The following OPN4 variants were observed in gnomAD, a reference collection of about 807,000 sequenced individuals.
The protein encoded by OPN4 is opsin 4.
In OPN4, 43 loss-of-function variants were observed where a neutral mutation model predicts 49.5. The ratio of observed to expected loss-of-function variants is 0.87; its 90% CI spans 0.68 to 1.12. OPN4 has a LOEUF of 1.12. Among genes scored for constraint, OPN4 ranks in the 50% most tolerant of loss-of-function variants. OPN4 has a pLI of 0.00. For missense variants in OPN4, 657 were observed against 643.9 expected (o/e 1.02, Z -0.22); for synonymous variants, 263 against 258.0 (o/e 1.02, Z -0.19).
At chr10:86,656,039 A>C in intron 1 of OPN4, 116 bp from the exon 2 acceptor site, 1 of 1,369,330 alleles carries the variant, frequency 7.3e-7, no homozygotes, top group Non-Finnish European at 1.0e-6. Context: ...TGGCTTTGCC[A>C]CTCTGAGCCT....
Position 86,658,526 on chromosome 10 carries a change from C to G in OPN4, c.467C>G (p.Ser156Cys), listed in dbSNP as rs1268158599. The G allele has an allele frequency of 6.2e-7, 1 of 1,614,216 alleles. No homozygotes were observed. The highest frequency in any genetic ancestry group is 1.3e-5 in the African/African-American group (1 of 75,060). The change falls in exon 4 of 10, where the codon TCC becomes TGC. Residue 156 changes from serine (S) to cysteine (C), a missense_variant. Coordinates refer to ENST00000241891, the MANE Select transcript of OPN4 (RefSeq NM_033282.4). ...YAFCGALFGI[S>C]SMITLTAIAL... ...TTCTGTGGAGCTCTCTTTGGCATTT[C>G]CTCCATGATCACCCTGACGGCCATC...
intron 8 of OPN4, 97 bp downstream of exon 8, chr10:86,662,529 T>G: frequency 4.1e-6 from 5 of 1,232,230 alleles, no homozygotes; most frequent in Non-Finnish European, 5.6e-6. Context: ...CAGGGCTGCC[T>G]CTGAGACTCA....
intron 7 of OPN4, 50 bp from the exon 8 acceptor site, chr10:86,662,202 G>A: frequency 6.5e-7 from 1 of 1,533,658 alleles, no homozygotes; most frequent in Non-Finnish European, 8.9e-7. Flanking sequence ...CCCCTCCCCT[G>A]CATCTGTCTG....
intron 2 of OPN4, among the ~76,000 whole-genome samples, chr10:86,657,750 C>T (rs548812686): frequency 3.2e-4 from 49 of 152,156 alleles, no homozygotes; most frequent in African/African-American, 1.2e-3. Context: ...GGCCACGCCT[C>T]AGGTTTTGGA....
At chr10:86,657,330 G>A in intron 2 of OPN4, 2 of 740,660 alleles carry the variant, frequency 2.7e-6, no homozygotes, top group Admixed American at 1.8e-5. Context: ...CTGGAAAATG[G>A]GGACAATGAC....
At position 86,658,528 on chromosome 10, in the gene OPN4, T is replaced by C. The variant is rs1309764526; in HGVS notation, c.469T>C (p.Ser157Pro). 3 of 1,614,054 alleles carry C rather than the reference T, an allele frequency of 1.9e-6. No homozygotes were observed. Among genetic ancestry groups the C allele is most frequent in the Non-Finnish European group, 2.5e-6 (3 of 1,180,044 alleles). Residue 157 changes from serine (S) to proline (P), a missense_variant, in exon 4 of 10, where the codon TCC (serine) becomes CCC (proline). Physicochemically the swap from Ser to Pro is moderately conservative, Grantham distance 74 (BLOSUM62 -1). Transcript: ENST00000241891. ...CTGTGGAGCTCTCTTTGGCATTTCC[T>C]CCATGATCACCCTGACGGCCATCGC... Reference protein sequence around the residue: ...AFCGALFGISSMITLTAIALD... With the variant: ...AFCGALFGISPMITLTAIALD...
chr10:86,656,505 T>C (rs1432853711), intron 2 of OPN4, among the ~76,000 whole-genome samples: 3 of 152,176 alleles, frequency 2.0e-5, no homozygotes, highest in Non-Finnish European at 4.4e-5. Flanking sequence ...CCAGGGAGAC[T>C]TGACTGACTG....
intron 1 of OPN4, among the ~76,000 whole-genome samples, chr10:86,655,713 G>T (rs1843846115): frequency 6.6e-6 from 1 of 152,232 alleles, no homozygotes; most frequent in South Asian, 2.1e-4. Context: ...GGACTCTTGA[G>T]AGGGGCTCCA....
chr10:86,663,085 TC>T (rs1844054090), intron 8 of OPN4, among the ~76,000 whole-genome samples: 1 of 152,204 alleles, frequency 6.6e-6, no homozygotes, highest in South Asian at 2.1e-4. Context: ...GTGTCAGCCC[TC>T]CTCAGGGCCT....
rs1250239334 is a variant in OPN4, at chr10:86,666,352, ACT to A, written c.*604_*605del. 1 of 196,384 alleles carries A rather than the reference ACT, an allele frequency of 5.1e-6. No homozygotes were observed. The highest frequency in any genetic ancestry group is 1.1e-5 in the Non-Finnish European group (1 of 94,648). 12.2% of individuals were successfully genotyped at this position (196,384 alleles called of 1,614,324 possible). ...ATGCACACCAAGCACATGCGTGCAC[ACT>A]CTGCGTCTGTGATTCATTTCATGTA... On this transcript the variant is annotated 3_prime_UTR_variant, in exon 10 of 10. Coordinates refer to ENST00000241891, the MANE Select transcript of OPN4 (RefSeq NM_033282.4).
chr10:86,658,150 C>A lies in OPN4; in HGVS notation c.409C>A (p.Leu137Ile), dbSNP rs1449593160. 6.2e-7 allele frequency: 1 copy of A among 1,613,938 alleles called. No individual in the cohort carries two copies. The highest frequency in any genetic ancestry group is 8.5e-7 in the Non-Finnish European group (1 of 1,179,982). The change falls in exon 3 of 10, where the codon CTC becomes ATC. Residue 137 changes from leucine (L) to isoleucine (I), a missense_variant. Physicochemically the swap from Leu to Ile is conservative, Grantham distance 5. Coordinates refer to ENST00000241891, the MANE Select transcript of OPN4 (RefSeq NM_033282.4). Reference protein sequence around the residue: ...FFTSSLYKQWLFGETGCEFYA... With the variant: ...FFTSSLYKQWIFGETGCEFYA... ...CACCAGTAGCCTCTATAAGCAGTGG[C>A]TCTTTGGGGAGACAGGTAGATGCTG...
At chr10:86,656,576 T>A (rs1231570063) in intron 2 of OPN4, among the ~76,000 whole-genome samples, 2 of 151,942 alleles carry the variant, frequency 1.3e-5, no homozygotes, top group African/African-American at 2.4e-5. Flanking sequence ...AGTATGTGGG[T>A]CTCTGACCAT....
Position 86,656,303 on chromosome 10 carries a change from G to T in OPN4, c.290+3G>T, listed in dbSNP as rs1479189575. 1.3e-6 allele frequency: 2 copies of T among 1,592,116 alleles called. No individual in the cohort carries two copies. The highest frequency in any genetic ancestry group is 4.5e-5 in the East Asian group (2 of 44,540). ...ACGGTCATCTATACCTTCTGCAGGT[G>T]CCTGGTTGGTGGTGCTGGGCCCAGG... On this transcript the variant is annotated splice_donor_region_variant and intron_variant, in intron 2 of 9. Transcript: ENST00000241891.
Position 86,663,588 on chromosome 10 carries a change from G to A in OPN4, c.1255-71G>A, listed in dbSNP as rs376765016. ...TGTTGGGAGGATGAAGGAGGGCCTG[G>A]TGGGGTAAGGGCAGGAGCAAAGCTA... On this transcript the variant is annotated intron_variant, in intron 8 of 9. Coordinates refer to ENST00000241891, the MANE Select transcript of OPN4 (RefSeq NM_033282.4). 428 of 1,370,114 alleles carry A rather than the reference G, an allele frequency of 3.1e-4. 2 individuals are homozygous for A. The African/African-American group carries it at 5.9e-3, about 19-fold the overall frequency. The allele number at this position is 1,370,114 out of a possible 1,614,324, so 84.9% of individuals were successfully genotyped here.
chr10:86,656,073 A>C (rs1843853467), intron 1 of OPN4, 82 bp from the exon 2 acceptor site: 1 of 1,584,956 alleles, frequency 6.3e-7, no homozygotes. Context: ...TGCCCTGTTG[A>C]GAATCCTAAC....
rs1843926689 is a variant in OPN4 at position 86,658,567 on chromosome 10, C to G, written c.508C>G (p.Leu170Val). The change falls in exon 4 of 10, where the codon CTG becomes GTG. Residue 170 changes from leucine (L) to valine (V), a missense_variant. By Grantham distance (32) the Leu-to-Val change is conservative. Transcript: ENST00000241891. ...TLTAIALDRY[L>V]VITRPLATFG... is the part of the protein sequence containing the mutation. ...GACGGCCATCGCCCTGGACCGCTACCTGGTAATCACACGCCCGCTGGCCAC... is the reference window on the plus strand; with the variant it reads ...GACGGCCATCGCCCTGGACCGCTACGTGGTAATCACACGCCCGCTGGCCAC... 1 of 1,614,234 alleles carries G rather than the reference C, an allele frequency of 6.2e-7. No individual in the cohort carries two copies. The highest frequency in any genetic ancestry group is 8.5e-7 in the Non-Finnish European group (1 of 1,180,048).
At chr10:86,659,693 A>G (rs1375482284) in intron 5 of OPN4, among the ~76,000 whole-genome samples, 2 of 152,260 alleles carry the variant, frequency 1.3e-5, no homozygotes, top group Non-Finnish European at 2.9e-5. Context: ...GAAGGCACAC[A>G]GAATCAAGAG....
rs552835166 is a variant in OPN4 at position 86,660,864 on chromosome 10, C to T, written c.966-417C>T. ...GGCATAGGCCAGGCATGGTGGCTCA[C>T]GCCTGTAATCCCAGCACTTTGGGAG... On this transcript the variant is annotated intron_variant, in intron 6 of 9. Transcript: ENST00000241891. Among the ~76,000 whole-genome samples, 4 of 152,292 alleles carry T rather than the reference C, an allele frequency of 2.6e-5. No homozygotes were observed. In the South Asian group the frequency reaches 6.2e-4, roughly 24 times the overall value.
At position 86,660,057 on chromosome 10, in the gene OPN4, T is replaced by C. The variant is rs756340791; in HGVS notation, c.963T>C (p.Ala321=). ...PYSAVALVAF[A]GYAHVLTPYM... is the part of the protein sequence containing the mutation. ...CCGCTGTGGCCCTGGTGGCCTTTGC[T>C]GGGTAAGCAGTGGCTAAAGGGTTGG... Residue 321 remains alanine (A), a splice_region_variant and synonymous_variant, in exon 6 of 10, where the codon GCT becomes GCC. Coordinates refer to ENST00000241891, the MANE Select transcript of OPN4 (RefSeq NM_033282.4). 1 of 1,614,130 alleles carries C rather than the reference T, an allele frequency of 6.2e-7. No homozygotes were observed. The highest frequency in any genetic ancestry group is 8.5e-7 in the Non-Finnish European group (1 of 1,179,978).
Sources: gnomAD v4.1 joint callset for allele counts (sites outside exome capture counted in the v4.1 genomes callset) on GRCh38, gnomAD v4.1.1 for gene constraint, MANE v1.5 for transcripts, NCBI Gene and HGNC (gene_info 2026-07-23, HGNC 2026-07-21) for gene names.